The following CALCR variants were observed in gnomAD, a reference collection of about 807,000 sequenced individuals.
CALCR encodes calcitonin receptor.
A neutral mutation model predicts 59.5 loss-of-function variants in CALCR; 47 were observed. The observed-to-expected ratio is 0.79, with a 90% confidence interval of 0.63 to 1.01. The LOEUF is 1.01. CALCR is among the 50% of genes least tolerant of loss of function. The probability of loss-of-function intolerance (pLI) is 0.00; values close to 1 mark genes in which losing one functional copy is unlikely to be tolerated. For synonymous variants in CALCR, 213 were observed against 211.3 expected (o/e 1.01, Z -0.07); for missense variants, 566 against 597.1 (o/e 0.95, Z 0.54).
intron 2 of CALCR, among the ~76,000 whole-genome samples, chr7:93,498,277 A>G (rs1801251815): frequency 1.3e-5 from 2 of 151,702 alleles, no homozygotes; most frequent in African/African-American, 4.8e-5. Flanking sequence ...TAAGTGCTCA[A>G]TAAGCATTCA....
At chr7:93,439,574 C>T (rs1799856053) in intron 9 of CALCR, among the ~76,000 whole-genome samples, 1 of 151,998 alleles carries the variant, frequency 6.6e-6, no homozygotes, top group South Asian at 2.1e-4. Context: ...AGCTATGATG[C>T]CTCCTTTTAG....
At chr7:93,567,533 C>A (rs902228572) in intron 2 of CALCR, among the ~76,000 whole-genome samples, 2 of 149,132 alleles carry the variant, frequency 1.3e-5, no homozygotes, top group Non-Finnish European at 3.0e-5. Flanking sequence ...TTTATCTATG[C>A]AAATTTTTTT....
chr7:93,464,938 A>G (rs1377180814), intron 7 of CALCR, among the ~76,000 whole-genome samples: 3 of 151,966 alleles, frequency 2.0e-5, no homozygotes, highest in East Asian at 3.9e-4. Context: ...TTCCCTCAGT[A>G]TGTTCCACTG....
At chr7:93,500,421 C>T (rs141559011) in intron 2 of CALCR, among the ~76,000 whole-genome samples, 1 of 151,958 alleles carries the variant, frequency 6.6e-6, no homozygotes, top group East Asian at 1.9e-4. Flanking sequence ...TGTTGTTCAA[C>T]GTATTTAACA....
chr7:93,542,114 A>G (rs986079891), intron 2 of CALCR, among the ~76,000 whole-genome samples: 1 of 152,214 alleles, frequency 6.6e-6, no homozygotes, highest in African/African-American at 2.4e-5. Flanking sequence ...ATACAGTGAT[A>G]TGTTGCTTAA....
chr7:93,563,246 G>T (rs1316150720), intron 2 of CALCR, among the ~76,000 whole-genome samples: 1 of 152,092 alleles, frequency 6.6e-6, no homozygotes, highest in South Asian at 2.1e-4. Flanking sequence ...GAGTGAATAG[G>T]AAACTTGACT....
intron 2 of CALCR, among the ~76,000 whole-genome samples, chr7:93,545,144 C>T (rs1789252010): frequency 6.6e-6 from 1 of 152,054 alleles, no homozygotes. Flanking sequence ...TCTTGGCCTA[C>T]TTTGTAAACA....
intron 2 of CALCR, among the ~76,000 whole-genome samples, chr7:93,549,148 CT>C (rs1789382892): frequency 6.6e-6 from 1 of 152,028 alleles, no homozygotes; most frequent in Non-Finnish European, 1.5e-5. Context: ...GATCATTTAG[CT>C]TTTTGTGACT....
At chr7:93,468,071 C>G (rs147055046) in intron 7 of CALCR, among the ~76,000 whole-genome samples, 1 of 151,654 alleles carries the variant, frequency 6.6e-6, no homozygotes, top group Non-Finnish European at 1.5e-5. Flanking sequence ...GCATATGTAA[C>G]AGTTTCTAAC....
chr7:93,436,151 A>G lies in CALCR; in HGVS notation c.950T>C (p.Leu317Pro). The G allele has an allele frequency of 6.2e-7, 1 of 1,614,082 alleles. No homozygotes were observed. The highest frequency in any genetic ancestry group is 8.5e-7 in the Non-Finnish European group (1 of 1,179,918). Reference sequence around the variant, plus strand: ...GGTCACAAGCACCCGGACAATGTTGAGCAAAAAGAAGAAATTGACCTGCAA... The same window carrying G: ...GGTCACAAGCACCCGGACAATGTTGGGCAAAAAGAAGAAATTGACCTGCAA... Reference protein sequence around the residue: ...AALVVNFFFLLNIVRVLVTKM... With the variant: ...AALVVNFFFLPNIVRVLVTKM... The change falls in exon 12 of 14, where the codon CTC (leucine) becomes CCC (proline). Residue 317 changes from leucine to proline, a missense_variant. Physicochemically the swap from Leu to Pro is moderately conservative, Grantham distance 98. Coordinates refer to ENST00000426151, the MANE Select transcript of CALCR (RefSeq NM_001742.4).
Position 93,443,605 on chromosome 7 carries a change from C to G in CALCR, c.801G>C (p.Trp267Cys). 3 of 1,612,404 alleles carry G rather than the reference C, an allele frequency of 1.9e-6. No individual in the cohort carries two copies. Among genetic ancestry groups the G allele is most frequent in the Non-Finnish European group, 2.5e-6 (3 of 1,179,142 alleles). The stretch of plus-strand genomic sequence containing the variant: ...AACTTAGCTGCAGAAAATACATACC[C>G]CAGCCCAAGAGATAATACCACCGCA... Reference protein sequence around the residue: ...QRLRWYYLLGWGFPLVPTTIH... With the variant: ...QRLRWYYLLGCGFPLVPTTIH... Residue 267 changes from tryptophan to cysteine, a missense_variant and splice_region_variant, in exon 9 of 14, where the codon TGG (tryptophan) becomes TGC (cysteine). By Grantham distance (215) the Trp-to-Cys change is radical. Coordinates refer to ENST00000426151, the MANE Select transcript of CALCR (RefSeq NM_001742.4).
chr7:93,493,697 G>A (rs921208853), intron 2 of CALCR, among the ~76,000 whole-genome samples: 4 of 151,340 alleles, frequency 2.6e-5, no homozygotes, highest in African/African-American at 9.7e-5. Flanking sequence ...CCCCCTTAAA[G>A]TAACAAGCAC....
chr7:93,480,396 G>T lies in CALCR; in HGVS notation c.52-889C>A, dbSNP rs374538420. On this transcript the variant is annotated intron_variant, in intron 3 of 13. Transcript: ENST00000426151. ...CATAGAGATTTTTTTTTCTTTTTTT[G>T]AGGAGACCTAAAAACATCAGCCTGC... 5.3e-5 allele frequency among the ~76,000 whole-genome samples: 8 copies of T among 150,512 alleles called. No homozygotes were observed. The South Asian group carries it at 1.7e-3, about 31-fold the overall frequency.
rs530214652 is a variant in CALCR, at chr7:93,464,549, G to A, written c.522-3602C>T. Among the ~76,000 whole-genome samples the A allele has an allele frequency of 9.2e-5, 14 of 151,954 alleles. No homozygotes were observed. In the East Asian group the frequency reaches 2.5e-3, roughly 27 times the overall value. On this transcript the variant is annotated intron_variant, in intron 7 of 13. Coordinates refer to ENST00000426151, the MANE Select transcript of CALCR (RefSeq NM_001742.4). ...AAATGGATTGCATTAAAACTCCTGG[G>A]AAAATTCAAATACAATATATTATAT...
chr7:93,535,093 A>C (rs923567575), intron 2 of CALCR, among the ~76,000 whole-genome samples: 7 of 151,710 alleles, frequency 4.6e-5, no homozygotes, highest in Non-Finnish European at 1.0e-4. Flanking sequence ...CATTATTTAC[A>C]AATTGTTTCA....
intron 2 of CALCR, among the ~76,000 whole-genome samples, chr7:93,530,567 A>G (rs2116130593): frequency 6.6e-6 from 1 of 152,222 alleles, no homozygotes; most frequent in Middle Eastern, 3.4e-3. Flanking sequence ...GATCTTTGAC[A>G]TGCTCTTCTA....
chr7:93,512,920 A>G (rs1801576497), intron 2 of CALCR, among the ~76,000 whole-genome samples: 1 of 152,216 alleles, frequency 6.6e-6, no homozygotes, highest in African/African-American at 2.4e-5. Context: ...ACAAATGATT[A>G]TCGTATTTAG....
chr7:93,447,821 A>G (rs1438236769), intron 8 of CALCR, among the ~76,000 whole-genome samples: 1 of 151,960 alleles, frequency 6.6e-6, no homozygotes, highest in African/African-American at 2.4e-5. Flanking sequence ...TTTCCTTACT[A>G]AAATGCCAAT....
chr7:93,487,140 G>T, intron 2 of CALCR, 133 bp from the exon 3 acceptor site: 1 of 567,590 alleles, frequency 1.8e-6, no homozygotes, highest in South Asian at 2.3e-5. Flanking sequence ...ACACACGTAA[G>T]AAAAAACAGT....
Sources: gnomAD v4.1 joint callset for allele counts (sites outside exome capture counted in the v4.1 genomes callset) on GRCh38, gnomAD v4.1.1 for gene constraint, MANE v1.5 for transcripts, NCBI Gene and HGNC (gene_info 2026-07-23, HGNC 2026-07-21) for gene names.